RASGEF1C: variants seen among roughly 807,000 people sequenced by gnomAD.
RASGEF1C encodes RasGEF domain family member 1C, also known as ras-GEF domain-containing family member 1C.
A neutral mutation model predicts 58.1 loss-of-function variants in RASGEF1C; 27 were observed. That is an observed-to-expected ratio of 0.46 (90% CI 0.34 to 0.64). The LOEUF (loss-of-function observed/expected upper bound fraction) is 0.64, where lower values mean the gene tolerates loss of function less well. RASGEF1C is among the 30% of genes least tolerant of loss of function. The pLI is 0.01. For synonymous variants in RASGEF1C, 243 were observed against 246.3 expected, an observed-to-expected ratio of 0.99 and a Z score of 0.13; for missense variants, 502 against 605.1, an observed-to-expected ratio of 0.83 and a Z score of 1.79.
intron 1 of RASGEF1C, among the ~76,000 whole-genome samples, chr5:180,169,343 C>A (rs923885463): frequency 6.6e-6 from 1 of 152,194 alleles, no homozygotes; most frequent in Non-Finnish European, 1.5e-5. Context: ...CACCTCGCCT[C>A]GGAGTAAGGG....
intron 10 of RASGEF1C, among the ~76,000 whole-genome samples, chr5:180,116,561 C>A (rs938358835): frequency 2.0e-5 from 3 of 152,360 alleles, no homozygotes; most frequent in East Asian, 3.9e-4. Flanking sequence ...AAAGTCAATA[C>A]GCAGCTGTAA....
chr5:180,103,163 T>C (rs12651750), intron 12 of RASGEF1C, among the ~76,000 whole-genome samples: 11,563 of 152,236 alleles, frequency 0.076, 563 homozygotes, highest in East Asian at 0.2. Context: ...CTGCAAGCTC[T>C]GCCTCCCGGG....
At chr5:180,185,353 G>C (rs986195197) in intron 1 of RASGEF1C, among the ~76,000 whole-genome samples, 5 of 152,200 alleles carry the variant, frequency 3.3e-5, no homozygotes, top group African/African-American at 9.6e-5. Context: ...GGGAGGCTGA[G>C]GTGGGCAGAT....
At chr5:180,149,088 C>CTTTTTTTTTTTTTTTTTTTTTTT (rs61204210) in intron 1 of RASGEF1C, among the ~76,000 whole-genome samples, 11 of 110,150 alleles carry the variant, frequency 1.0e-4, no homozygotes, top group East Asian at 2.6e-4. Context: ...CTTTTTTTTT[C>CTTTTTTTTTTTTTTTTTTTTTTT]TTTTTTTTTT....
intron 1 of RASGEF1C, among the ~76,000 whole-genome samples, chr5:180,175,617 C>T (rs1213341248): frequency 6.6e-6 from 1 of 152,218 alleles, no homozygotes; most frequent in African/African-American, 2.4e-5. Context: ...ATGCTCATGT[C>T]CCCCGCATCA....
At chr5:180,128,930 G>A (rs1766314879) in intron 4 of RASGEF1C, among the ~76,000 whole-genome samples, 1 of 152,234 alleles carries the variant, frequency 6.6e-6, no homozygotes, top group South Asian at 2.1e-4. Flanking sequence ...GGGGTAGAGT[G>A]GGGTGGGCAC....
chr5:180,151,005 G>A (rs143691505), intron 1 of RASGEF1C, among the ~76,000 whole-genome samples: 106,030 of 148,476 alleles, frequency 0.71, 38,898 homozygotes, highest in Admixed American at 0.83. Flanking sequence ...AATCCAACTT[G>A]CAAGGGATGT....
At chr5:180,163,577 A>G (rs1030946243) in intron 1 of RASGEF1C, among the ~76,000 whole-genome samples, 1 of 152,010 alleles carries the variant, frequency 6.6e-6, no homozygotes, top group Non-Finnish European at 1.5e-5. Flanking sequence ...ATATTGATTA[A>G]TTTATAAATA....
chr5:180,139,200 A>G (rs1049923435), intron 1 of RASGEF1C, among the ~76,000 whole-genome samples: 4 of 152,074 alleles, frequency 2.6e-5, no homozygotes, highest in Non-Finnish European at 4.4e-5. Context: ...TTACCCCTCT[A>G]GGCCAGTCTT....
In RASGEF1C at chr5:180,113,101, A is replaced by C. The variant is rs1179758736; in HGVS notation, c.1179+1345T>G. ...CCGGGGATGGACAGAGGGACTGGGG[A>C]TGGACGGAGGGACCGGGGATGGACG... On this transcript the variant is annotated intron_variant, in intron 11 of 13. Transcript: ENST00000361132. Among the ~76,000 whole-genome samples the C allele has an allele frequency of 2.1e-4, 23 of 109,238 alleles. 1 individual carries two copies. The highest frequency in any genetic ancestry group is 6.5e-3 in the Middle Eastern group (1 of 154). The allele number at this position is 109,238 out of a possible 152,430, so 71.7% of individuals were successfully genotyped here. A position where few individuals can be genotyped will look rare whatever the true frequency, so the allele number is the denominator to read the frequency against.
At chr5:180,119,323 A>G (rs1486858232) in intron 8 of RASGEF1C, 23 bp downstream of exon 8, 5 of 1,596,212 alleles carry the variant, frequency 3.1e-6, no homozygotes, top group East Asian at 2.2e-5. Context: ...ACTGGGGGCC[A>G]CAGGCCAGGC....
chr5:180,201,793 AG>A (rs1447900345), intron 1 of RASGEF1C, among the ~76,000 whole-genome samples: 1 of 152,242 alleles, frequency 6.6e-6, no homozygotes, highest in African/African-American at 2.4e-5. Context: ...TAGTGCCCTT[AG>A]AAAAGAGGAT....
chr5:180,203,265 A>G (rs1756428023), intron 1 of RASGEF1C, among the ~76,000 whole-genome samples: 2 of 152,218 alleles, frequency 1.3e-5, no homozygotes, highest in African/African-American at 4.8e-5. Context: ...ACGTTGTTAT[A>G]TCATGTATGT....
chr5:180,169,439 A>G (rs1336076102), intron 1 of RASGEF1C, among the ~76,000 whole-genome samples: 5 of 152,026 alleles, frequency 3.3e-5, no homozygotes, highest in Admixed American at 6.6e-5. Context: ...AGCGTTCACA[A>G]ATGCAGTGGT....
rs1756316483 is a variant in RASGEF1C at position 180,198,321 on chromosome 5, A to G, written c.-7+10707T>C. On this transcript the variant is annotated intron_variant, in intron 1 of 13. Transcript: ENST00000361132. This position sits in a 1 kb window ranked among gnomAD's most constrained non-coding sequence, Gnocchi z 4.5. ...AGGGAAGAAAGTGAAGGCATACTGG[A>G]CGCCTGCCTTGGCCAGCTCTGGCGT... Among the ~76,000 whole-genome samples the G allele has an allele frequency of 6.6e-6, 1 of 152,226 alleles. No individual in the cohort carries two copies. The highest frequency in any genetic ancestry group is 2.4e-5 in the African/African-American group (1 of 41,464).
chr5:180,103,147 G>A (rs764375432), intron 12 of RASGEF1C, among the ~76,000 whole-genome samples: 5 of 152,006 alleles, frequency 3.3e-5, no homozygotes, highest in South Asian at 2.1e-4. Flanking sequence ...GCGCGATCTC[G>A]GCTCACTGCA....
At position 180,145,129 on chromosome 5, in the gene RASGEF1C, A is replaced by T. The variant is rs549696817; in HGVS notation, c.-6-7071T>A. On this transcript the variant is annotated intron_variant, in intron 1 of 13. Coordinates refer to ENST00000361132, the MANE Select transcript of RASGEF1C (RefSeq NM_175062.4). ...GCACCATTTTATTTATTTTTATTTT[A>T]ATTTTTATTTTGAGACGGTCTCACT... Among the ~76,000 whole-genome samples, 63 of 152,140 alleles carry T rather than the reference A, an allele frequency of 4.1e-4. 1 individual carries two copies. Among genetic ancestry groups the T allele is most frequent in the Admixed American group, 1.2e-3 (18 of 15,272 alleles).
chr5:180,173,776 G>A (rs1402932816), intron 1 of RASGEF1C, among the ~76,000 whole-genome samples: 6 of 152,122 alleles, frequency 3.9e-5, no homozygotes, highest in Admixed American at 2.0e-4. Context: ...AGCTGGGCGT[G>A]GTGGTGGGCG....
chr5:180,109,466 AT>A (rs200965987), intron 12 of RASGEF1C, among the ~76,000 whole-genome samples: 11 of 151,912 alleles, frequency 7.2e-5, no homozygotes, highest in South Asian at 2.1e-4. Flanking sequence ...TCAAAAAAAA[AT>A]AATAATAATA....
Sources: allele counts gnomAD v4.1 joint callset (sites outside exome capture counted in the v4.1 genomes callset), GRCh38; gene constraint gnomAD v4.1.1; non-coding constraint Gnocchi (gnomAD v3.1); transcripts MANE v1.5; gene names NCBI Gene and HGNC (gene_info 2026-07-23, HGNC 2026-07-21).